Variants in SUSD4 observed in about 807,000 individuals in gnomAD.
SUSD4 encodes sushi domain containing 4.
In SUSD4, 41 loss-of-function variants were observed where a neutral mutation model predicts 50.5. The observed-to-expected ratio is 0.81, with a 90% CI of 0.63 to 1.05. SUSD4 has a LOEUF of 1.05. Ranked by LOEUF, SUSD4 falls within the 50% of genes least tolerant of loss-of-function variation. SUSD4 has a pLI of 0.00. For missense variants in SUSD4, 580 were observed against 634.7 expected, an observed-to-expected ratio of 0.91 and a Z score of 0.93; for synonymous variants, 257 against 257.3, an observed-to-expected ratio of 1.00 and a Z score of 0.01.
chr1:223,291,151 T>C (rs1664461658), intron 3 of SUSD4, among the ~76,000 whole-genome samples: 1 of 152,170 alleles, frequency 6.6e-6, no homozygotes, highest in African/African-American at 2.4e-5. Flanking sequence ...CACCATCTTA[T>C]CTATCCTTTA....
At chr1:223,317,431 T>C (rs961339215) in intron 2 of SUSD4, among the ~76,000 whole-genome samples, 3 of 152,234 alleles carry the variant, frequency 2.0e-5, no homozygotes, top group African/African-American at 4.8e-5. Context: ...CATTCTTTTA[T>C]TCCTCTTGCT....
At chr1:223,364,719 G>A (rs1436697997), upstream of SUSD4, among the ~76,000 whole-genome samples, 1 of 151,700 alleles carries the variant, frequency 6.6e-6, no homozygotes, top group Non-Finnish European at 1.5e-5. The surrounding 1 kb of genome is among the most constrained non-coding windows in gnomAD (Gnocchi z 4.5). Context: ...TACCGCCGCG[G>A]CGGTGGCTGC....
At chr1:223,337,298 G>A (rs901966437) in intron 2 of SUSD4, among the ~76,000 whole-genome samples, 7 of 152,148 alleles carry the variant, frequency 4.6e-5, no homozygotes, top group African/African-American at 1.4e-4. Flanking sequence ...TTGCTCAAAC[G>A]TCAGTTGAAT....
chr1:223,346,327 A>G (rs916657195), intron 2 of SUSD4, among the ~76,000 whole-genome samples: 1 of 152,180 alleles, frequency 6.6e-6, no homozygotes, highest in African/African-American at 2.4e-5. Context: ...CAATAAGAAG[A>G]AAATAGTTTT....
chr1:223,275,742 A>T (rs1663216386), intron 3 of SUSD4, among the ~76,000 whole-genome samples: 1 of 152,128 alleles, frequency 6.6e-6, no homozygotes, highest in Non-Finnish European at 1.5e-5. Flanking sequence ...ATGAAGTCAA[A>T]CACTGAGAAC....
intron 2 of SUSD4, among the ~76,000 whole-genome samples, chr1:223,313,630 C>T (rs1326966646): frequency 2.6e-5 from 4 of 152,012 alleles, no homozygotes; most frequent in African/African-American, 9.7e-5. Flanking sequence ...GGACTGTATT[C>T]CCAGAAGGTT....
intron 5 of SUSD4, among the ~76,000 whole-genome samples, chr1:223,250,449 A>G (rs1661224580): frequency 6.6e-6 from 1 of 152,192 alleles, no homozygotes; most frequent in Admixed American, 6.5e-5. Context: ...CCTCATTTGC[A>G]AAGATAAGGG....
chr1:223,306,877 C>T (rs1315096360), intron 2 of SUSD4, among the ~76,000 whole-genome samples: 1 of 151,908 alleles, frequency 6.6e-6, no homozygotes, highest in Non-Finnish European at 1.5e-5. Flanking sequence ...GTCTAGCTAA[C>T]CCTGTGATGC....
chr1:223,238,832 A>G (rs1177562270), intron 5 of SUSD4, among the ~76,000 whole-genome samples: 1 of 151,964 alleles, frequency 6.6e-6, no homozygotes, highest in Non-Finnish European at 1.5e-5. Flanking sequence ...GAAGTAGTCT[A>G]TGTATGTCAA....
intron 3 of SUSD4, among the ~76,000 whole-genome samples, chr1:223,279,273 C>T (rs1420131136): frequency 7.2e-5 from 11 of 152,190 alleles, no homozygotes; most frequent in South Asian, 4.2e-4. Flanking sequence ...CAAACTTCTC[C>T]GAGCTAAAGG....
intron 2 of SUSD4, among the ~76,000 whole-genome samples, chr1:223,307,557 G>C (rs1321035658): frequency 2.6e-5 from 4 of 152,186 alleles, no homozygotes; most frequent in African/African-American, 7.2e-5. Context: ...AGTCCAGATA[G>C]CATGTGAGGT....
chr1:223,358,268 A>G lies in SUSD4; in HGVS notation c.148+5010T>C, dbSNP rs370574361. ...AAAAGATGGATGGATGGATGGATGG[A>G]TGGGTGGGAAAAAGAGAGCTGGCTT... On this transcript the variant is annotated intron_variant, in intron 2 of 8. Coordinates refer to ENST00000366878, the MANE Select transcript of SUSD4 (RefSeq NM_017982.4). Among the ~76,000 whole-genome samples, 10 of 151,186 alleles carry G rather than the reference A, an allele frequency of 6.6e-5. No individual in the cohort carries two copies. The East Asian group carries it at 2.0e-3, about 30-fold the overall frequency.
At chr1:223,286,499 G>T (rs1571977221) in intron 3 of SUSD4, among the ~76,000 whole-genome samples, 1 of 152,182 alleles carries the variant, frequency 6.6e-6, no homozygotes, top group Admixed American at 6.5e-5. Flanking sequence ...TGATCCACCT[G>T]CCTCAGTCTC....
intron 5 of SUSD4, among the ~76,000 whole-genome samples, chr1:223,250,772 G>C (rs987840164): frequency 1.3e-5 from 2 of 152,236 alleles, no homozygotes; most frequent in African/African-American, 2.4e-5. Flanking sequence ...GGAAGCCTCT[G>C]TTTGGCTCAG....
chr1:223,335,302 T>C (rs1254638352), intron 2 of SUSD4, among the ~76,000 whole-genome samples: 2 of 152,198 alleles, frequency 1.3e-5, no homozygotes, highest in African/African-American at 4.8e-5. Flanking sequence ...CTCCACACTG[T>C]TTTTCTTAGT....
intron 5 of SUSD4, among the ~76,000 whole-genome samples, chr1:223,253,799 A>G (rs1661500876): frequency 6.6e-6 from 1 of 152,206 alleles, no homozygotes; most frequent in African/African-American, 2.4e-5. Flanking sequence ...AAGGACAAAC[A>G]CTGAGAATCT....
At chr1:223,258,273 ACATCC>A in intron 5 of SUSD4, among the ~76,000 whole-genome samples, 1 of 152,344 alleles carries the variant, frequency 6.6e-6, no homozygotes, top group Non-Finnish European at 1.5e-5. Flanking sequence ...GGAGCCCTCC[ACATCC>A]AAGCTGGCTT....
chr1:223,310,569 A>G (rs1412877699), intron 2 of SUSD4, among the ~76,000 whole-genome samples: 5 of 152,198 alleles, frequency 3.3e-5, no homozygotes, highest in Non-Finnish European at 5.9e-5. Context: ...TTTTTGAGGG[A>G]ATACACAAAA....
chr1:223,313,792 T>C (rs1666018567), intron 2 of SUSD4, among the ~76,000 whole-genome samples: 1 of 152,134 alleles, frequency 6.6e-6, no homozygotes, highest in Non-Finnish European at 1.5e-5. Context: ...TCACTGCTCA[T>C]TACACACTAA....
Sources: allele counts gnomAD v4.1 joint callset (sites outside exome capture counted in the v4.1 genomes callset), GRCh38; gene constraint gnomAD v4.1.1; non-coding constraint Gnocchi (gnomAD v3.1); transcripts MANE v1.5; gene names NCBI Gene and HGNC (gene_info 2026-07-23, HGNC 2026-07-21).